PDE1C: variants seen among roughly 807,000 people sequenced by gnomAD.
PDE1C encodes the protein dual specificity calcium/calmodulin-dependent 3',5'-cyclic nucleotide phosphodiesterase 1C.
A neutral mutation model predicts 93.1 loss-of-function variants in PDE1C; 62 were observed. The observed-to-expected ratio is 0.67, with a 90% confidence interval of 0.54 to 0.82. PDE1C has a LOEUF of 0.82. Ranked by LOEUF, PDE1C falls within the 40% of genes least tolerant of loss-of-function variation. The pLI is 0.00. For missense variants in PDE1C, 742 were observed against 884.6 expected, an observed-to-expected ratio of 0.84 and a Z score of 2.04; for synonymous variants, 325 against 310.1, an observed-to-expected ratio of 1.05 and a Z score of -0.50.
intron 11 of PDE1C, among the ~76,000 whole-genome samples, chr7:31,831,565 A>G (rs1294300988): frequency 1.3e-5 from 2 of 152,038 alleles, no homozygotes; most frequent in Non-Finnish European, 2.9e-5. Flanking sequence ...AACCAAGGAC[A>G]ATTCTAGATA....
At chr7:32,024,616 A>T (rs1789157209) in intron 2 of PDE1C, among the ~76,000 whole-genome samples, 1 of 152,116 alleles carries the variant, frequency 6.6e-6, no homozygotes, top group African/African-American at 2.4e-5. Flanking sequence ...ACTAAGAGAG[A>T]GCAAAGATTA....
intron 2 of PDE1C, among the ~76,000 whole-genome samples, chr7:32,205,730 C>G (rs532848977): frequency 6.6e-6 from 1 of 152,290 alleles, no homozygotes; most frequent in East Asian, 1.9e-4. Flanking sequence ...AACACTCATT[C>G]TGCAGTTTCA....
At chr7:31,637,785 A>G in the PDE1C span, among the ~76,000 whole-genome samples, 59 of 152,236 alleles carry the variant, frequency 3.9e-4, 1 homozygote, top group South Asian at 0.011. Context: ...CATTGCTTTT[A>G]GTGTTTTAGA....
intron 16 of PDE1C, chr7:31,786,470 G>A (rs1041303376): frequency 1.3e-5 from 2 of 152,158 alleles, no homozygotes; most frequent in East Asian, 1.9e-4. Context: ...GCCTTTAGCA[G>A]TGTGCTTGGC....
intron 15 of PDE1C, among the ~76,000 whole-genome samples, chr7:31,814,908 G>C (rs1027705404): frequency 6.6e-6 from 1 of 151,776 alleles, no homozygotes; most frequent in African/African-American, 2.4e-5. Flanking sequence ...TCTGTTGACT[G>C]CTAAATTACC....
chr7:31,836,504 T>C (rs1791130677), intron 11 of PDE1C, among the ~76,000 whole-genome samples: 2 of 152,060 alleles, frequency 1.3e-5, no homozygotes, highest in African/African-American at 4.8e-5. Context: ...CCGGCTAATT[T>C]TTGTATTTTT....
intron 3 of PDE1C, among the ~76,000 whole-genome samples, chr7:32,087,947 C>T (rs1437150924): frequency 1.3e-5 from 2 of 151,514 alleles, no homozygotes; most frequent in African/African-American, 4.9e-5. Flanking sequence ...CACATGTATA[C>T]ATATGTAACA....
chr7:31,711,609 CTCTT>C, the PDE1C span, among the ~76,000 whole-genome samples: 1 of 152,150 alleles, frequency 6.6e-6, no homozygotes, highest in Middle Eastern at 3.2e-3. Flanking sequence ...CACCCTCTCT[CTCTT>C]AATTTTTGAA....
intron 1 of PDE1C, among the ~76,000 whole-genome samples, chr7:32,241,598 T>C (rs1484507526): frequency 6.6e-6 from 1 of 152,078 alleles, no homozygotes; most frequent in Non-Finnish European, 1.5e-5. Flanking sequence ...ATCTAAGAAA[T>C]GGGGCAATCA....
At chr7:32,091,617 A>G (rs906031506) in intron 3 of PDE1C, among the ~76,000 whole-genome samples, 16 of 152,146 alleles carry the variant, frequency 1.1e-4, no homozygotes, top group Non-Finnish European at 1.8e-4. Context: ...GTGGTTCAAG[A>G]AGCAAGGTGG....
intron 1 of PDE1C, among the ~76,000 whole-genome samples, chr7:32,290,267 G>T (rs955108365): frequency 3.3e-5 from 5 of 152,178 alleles, no homozygotes; most frequent in Non-Finnish European, 7.4e-5. Flanking sequence ...CTAAAACAAA[G>T]ACAGACTTGC....
chr7:32,324,833 C>T (rs1783373835), intron 1 of PDE1C, among the ~76,000 whole-genome samples: 1 of 152,070 alleles, frequency 6.6e-6, no homozygotes, highest in Non-Finnish European at 1.5e-5. Context: ...CCTGTAGTCC[C>T]AGCTACCAGG....
At chr7:31,775,871 G>A (rs1795792475) in intron 16 of PDE1C, 139 bp from the exon 17 acceptor site, 1 of 701,922 alleles carries the variant, frequency 1.4e-6, no homozygotes, top group Admixed American at 2.3e-5. Context: ...TTGCAGGGTG[G>A]TGCATATTCT....
chr7:31,939,525 A>G (rs1805541220), intron 2 of PDE1C, among the ~76,000 whole-genome samples: 1 of 152,206 alleles, frequency 6.6e-6, no homozygotes, highest in African/African-American at 2.4e-5. Context: ...TGAGACAAAT[A>G]AGAAGTTAAT....
chr7:31,973,434 C>A (rs1480214894), intron 2 of PDE1C, among the ~76,000 whole-genome samples: 2 of 151,902 alleles, frequency 1.3e-5, no homozygotes, highest in Non-Finnish European at 2.9e-5. Flanking sequence ...AAACTGAAGA[C>A]AAAAATAAGA....
intron 1 of PDE1C, among the ~76,000 whole-genome samples, chr7:32,371,452 C>A (rs916539797): frequency 1.3e-5 from 2 of 152,176 alleles, no homozygotes; most frequent in Non-Finnish European, 2.9e-5. Flanking sequence ...AAGTACTGTA[C>A]CTGCTTTTGC....
chr7:31,654,032 G>A, the PDE1C span, among the ~76,000 whole-genome samples: 6 of 121,124 alleles, frequency 5.0e-5, no homozygotes, highest in South Asian at 2.9e-4. Flanking sequence ...TACTCAGAAA[G>A]AGTTGGATGA....
At chr7:32,316,918 T>C (rs941787524) in intron 1 of PDE1C, among the ~76,000 whole-genome samples, 2 of 152,244 alleles carry the variant, frequency 1.3e-5, no homozygotes, top group African/African-American at 4.8e-5. Flanking sequence ...TTTGTGAGAA[T>C]GAGAGGCAAT....
intron 2 of PDE1C, among the ~76,000 whole-genome samples, chr7:31,897,656 A>T (rs1317886858): frequency 6.6e-6 from 1 of 152,122 alleles, no homozygotes; most frequent in African/African-American, 2.4e-5. Context: ...CTCTCTCTGG[A>T]CACTCTCTGA....
Sources: gnomAD v4.1 joint callset for allele counts (sites outside exome capture counted in the v4.1 genomes callset) on GRCh38, gnomAD v4.1.1 for gene constraint, MANE v1.5 for transcripts, NCBI Gene and HGNC (gene_info 2026-07-23, HGNC 2026-07-21) for gene names.